Variants in GABRB1 observed in about 807,000 individuals in gnomAD.
GABRB1 encodes gamma-aminobutyric acid type A receptor subunit beta1.
GABRB1 carries 17 observed loss-of-function variants against 51.6 expected under a neutral mutation model. The ratio of observed to expected loss-of-function variants is 0.33; its 90% CI spans 0.23 to 0.49. The LOEUF (loss-of-function observed/expected upper bound fraction) is 0.49, where lower values mean the gene tolerates loss of function less well. Among genes scored for constraint, GABRB1 ranks in the 20% least tolerant of loss-of-function variants. The probability of loss-of-function intolerance (pLI) is 0.99; values close to 1 mark genes in which losing one functional copy is unlikely to be tolerated. For missense variants in GABRB1, 410 were observed against 600.6 expected (o/e 0.68, Z 3.32); for synonymous variants, 247 against 218.9 (o/e 1.13, Z -1.14).
intron 5 of GABRB1, among the ~76,000 whole-genome samples, chr4:47,350,210 T>TAGAGAGAGAGAG (rs1409250810): frequency 4.5e-5 from 4 of 88,814 alleles, no homozygotes; most frequent in East Asian, 4.3e-4. Context: ...TATATATATA[T>TAGAGAGAGAGAG]ATATATATAG....
chr4:47,136,998 G>A (rs1029854886), intron 3 of GABRB1, among the ~76,000 whole-genome samples: 1 of 152,092 alleles, frequency 6.6e-6, no homozygotes, highest in Admixed American at 6.6e-5. Flanking sequence ...TGTACAAAGA[G>A]AGACAAGGAG....
chr4:47,188,597 T>C (rs916894016), intron 4 of GABRB1, among the ~76,000 whole-genome samples: 26 of 151,922 alleles, frequency 1.7e-4, no homozygotes, highest in African/African-American at 6.3e-4. Flanking sequence ...TACTTTAGAA[T>C]AAAAATTTAA....
chr4:47,362,283 A>C (rs758345411), intron 5 of GABRB1, among the ~76,000 whole-genome samples: 1 of 152,146 alleles, frequency 6.6e-6, no homozygotes, highest in African/African-American at 2.4e-5. Context: ...TGGAACTAGA[A>C]GTCAGAGTGG....
chr4:47,068,637 ATTTATCAATTG>A (rs1435179113), intron 3 of GABRB1, among the ~76,000 whole-genome samples: 1 of 152,182 alleles, frequency 6.6e-6, no homozygotes, highest in Non-Finnish European at 1.5e-5. Context: ...CACACAAAAC[ATTTATCAATTG>A]TTTGCTCTCT....
intron 4 of GABRB1, among the ~76,000 whole-genome samples, chr4:47,232,697 C>T (rs1721183089): frequency 6.6e-6 from 1 of 152,170 alleles, no homozygotes; most frequent in Non-Finnish European, 1.5e-5. Flanking sequence ...TTAGTATCCA[C>T]ATCAATTCTG....
chr4:47,118,955 G>T (rs963566094), intron 3 of GABRB1, among the ~76,000 whole-genome samples: 1 of 152,130 alleles, frequency 6.6e-6, no homozygotes, highest in South Asian at 2.1e-4. Flanking sequence ...AAAATGGGTA[G>T]AAATGAACTG....
intron 4 of GABRB1, among the ~76,000 whole-genome samples, chr4:47,269,097 T>C (rs942617657): frequency 6.6e-6 from 1 of 152,250 alleles, no homozygotes; most frequent in Non-Finnish European, 1.5e-5. Flanking sequence ...ATTTAAGCAC[T>C]GTTTGAGATT....
intron 4 of GABRB1, among the ~76,000 whole-genome samples, chr4:47,246,374 ATATATATATATATATATATAT>A (rs1721758261): frequency 2.1e-5 from 1 of 48,278 alleles, no homozygotes; most frequent in African/African-American, 9.7e-5. Flanking sequence ...ATATATATAT[ATATATATATATATATATATAT>A]AAAATACCAC....
chr4:47,244,002 A>G (rs1410062485), intron 4 of GABRB1, among the ~76,000 whole-genome samples: 1 of 152,206 alleles, frequency 6.6e-6, no homozygotes, highest in African/African-American at 2.4e-5. Context: ...CCCATTCACT[A>G]TGATATTGGC....
chr4:47,382,604 A>G (rs1025768908), intron 5 of GABRB1, among the ~76,000 whole-genome samples: 2 of 152,174 alleles, frequency 1.3e-5, no homozygotes, highest in East Asian at 3.9e-4. Flanking sequence ...AGCCTTCCCA[A>G]TCAGGTCATG....
intron 3 of GABRB1, among the ~76,000 whole-genome samples, chr4:47,122,046 C>A (rs1047136029): frequency 6.6e-6 from 1 of 152,158 alleles, no homozygotes; most frequent in East Asian, 1.9e-4. Flanking sequence ...ATCCTTAACT[C>A]CTCTCTAGAC....
At chr4:47,007,908 A>G (rs1197231171) in intron 1 of GABRB1, among the ~76,000 whole-genome samples, 1 of 147,106 alleles carries the variant, frequency 6.8e-6, no homozygotes, top group African/African-American at 2.5e-5. Context: ...TCAAGTTTGT[A>G]TTTTTAAATA....
intron 3 of GABRB1, among the ~76,000 whole-genome samples, chr4:47,139,158 G>A (rs1318462477): frequency 2.0e-5 from 3 of 151,828 alleles, no homozygotes; most frequent in African/African-American, 7.3e-5. Flanking sequence ...AACAGACTTC[G>A]AATCCTTCAT....
intron 4 of GABRB1, among the ~76,000 whole-genome samples, chr4:47,314,414 A>G (rs1724811513): frequency 6.6e-6 from 1 of 152,036 alleles, no homozygotes; most frequent in Admixed American, 6.6e-5. Flanking sequence ...TGTAATTCAC[A>G]ATTCTGAATC....
chr4:47,311,938 CT>C (rs1382634489), intron 4 of GABRB1, among the ~76,000 whole-genome samples: 3 of 152,002 alleles, frequency 2.0e-5, no homozygotes, highest in African/African-American at 7.3e-5. Context: ...CTTTGAATTG[CT>C]TCAGTTTATA....
intron 4 of GABRB1, among the ~76,000 whole-genome samples, chr4:47,195,433 T>G (rs1379174597): frequency 8.3e-6 from 1 of 120,136 alleles, no homozygotes. Flanking sequence ...GATAGATAGA[T>G]AGATAGATAG....
intron 4 of GABRB1, among the ~76,000 whole-genome samples, chr4:47,256,018 G>T (rs1722184852): frequency 1.3e-5 from 2 of 152,208 alleles, no homozygotes; most frequent in Non-Finnish European, 2.9e-5. Flanking sequence ...CCGAGGCCCA[G>T]TTTAGAAGGA....
intron 3 of GABRB1, among the ~76,000 whole-genome samples, chr4:47,118,140 A>T (rs1198757986): frequency 6.6e-6 from 1 of 152,188 alleles, no homozygotes; most frequent in Non-Finnish European, 1.5e-5. Flanking sequence ...GAGTCCAAAG[A>T]GATGACTGGA....
chr4:47,058,132 T>A (rs1170657463), intron 3 of GABRB1, among the ~76,000 whole-genome samples: 1 of 152,088 alleles, frequency 6.6e-6, no homozygotes, highest in Non-Finnish European at 1.5e-5. Flanking sequence ...ATATAGCCTG[T>A]GAGGTTAAAG....
Sources: gnomAD v4.1 joint callset for allele counts (sites outside exome capture counted in the v4.1 genomes callset) on GRCh38, gnomAD v4.1.1 for gene constraint, MANE v1.5 for transcripts, NCBI Gene and HGNC (gene_info 2026-07-23, HGNC 2026-07-21) for gene names.